Variants in FAM228B observed in about 807,000 individuals in gnomAD.
The protein encoded by FAM228B is family with sequence similarity 228 member B, also known as protein FAM228B.
Under a neutral mutation model 42.6 loss-of-function variants are expected in FAM228B, and 38 were observed. The observed-to-expected ratio is 0.89, with a 90% CI of 0.69 to 1.17. FAM228B has a LOEUF of 1.17. Ranked by LOEUF, FAM228B falls within the 50% of genes most tolerant of loss-of-function variation. The pLI, the probability that FAM228B is intolerant of heterozygous loss-of-function variation, is 0.00. For missense variants in FAM228B, 344 were observed against 367.3 expected, an observed-to-expected ratio of 0.94 and a Z score of 0.52; for synonymous variants, 109 against 122.3, an observed-to-expected ratio of 0.89 and a Z score of 0.72.
At chr2:24,162,007 G>T (rs755160219) in intron 8 of FAM228B, among the ~76,000 whole-genome samples, 2 of 152,226 alleles carry the variant, frequency 1.3e-5, no homozygotes, top group Admixed American at 1.3e-4. Context: ...GCTGAGGCAG[G>T]AGAATTGTTT....
chr2:24,162,396 T>A (rs1667306650), intron 8 of FAM228B, among the ~76,000 whole-genome samples: 1 of 152,188 alleles, frequency 6.6e-6, no homozygotes, highest in South Asian at 2.1e-4. Context: ...GTTTTAGAAT[T>A]AAGAGATTTC....
intron 3 of FAM228B, among the ~76,000 whole-genome samples, chr2:24,118,305 T>C (rs1026408259): frequency 6.6e-6 from 1 of 152,232 alleles, no homozygotes. Context: ...GGTCCAATAA[T>C]GCAAAATGCA....
intron 9 of FAM228B, chr2:24,166,616 A>C (rs893167907): frequency 2.0e-5 from 3 of 152,022 alleles, no homozygotes; most frequent in African/African-American, 7.3e-5. Context: ...CCTGGAGCTT[A>C]CATTTTGATG....
At position 24,124,418 on chromosome 2, in the gene FAM228B, C is replaced by T. The variant is rs1573757832; in HGVS notation, c.57C>T (p.Ser19=). The change falls in exon 2 of 11, where the codon AGC becomes AGT. Residue 19 remains serine (S), a synonymous_variant. Transcript: ENST00000615575. ...LVTGTLPKLK[S]SKEWLEPKPL... Reference sequence around the variant, plus strand: ...CTGGCACACTTCCCAAGCTCAAGAGCTCAAAAGAATGGTTGGAGCCCAAGC... The same window carrying T: ...CTGGCACACTTCCCAAGCTCAAGAGTTCAAAAGAATGGTTGGAGCCCAAGC... 1 of 1,551,912 alleles carries T rather than the reference C, an allele frequency of 6.4e-7. No homozygotes were observed. Among genetic ancestry groups the T allele is most frequent in the East Asian group, 2.4e-5 (1 of 40,916 alleles).
intron 7 of FAM228B, among the ~76,000 whole-genome samples, chr2:24,148,784 T>C (rs1313310648): frequency 5.9e-5 from 9 of 152,176 alleles, no homozygotes; most frequent in Admixed American, 4.6e-4. Flanking sequence ...TTGACTATAG[T>C]CCCCTTGTTG....
chr2:24,136,642 C>G (rs1310280597), intron 3 of FAM228B, among the ~76,000 whole-genome samples: 1 of 152,142 alleles, frequency 6.6e-6, no homozygotes. Context: ...GGATTACCGG[C>G]GTGAGCCACC....
intron 2 of FAM228B, among the ~76,000 whole-genome samples, chr2:24,094,066 G>T (rs1451200792): frequency 9.0e-6 from 1 of 111,100 alleles, no homozygotes; most frequent in Non-Finnish European, 1.8e-5. Flanking sequence ...TTAAGACAGG[G>T]TCTTGCTGTG....
At chr2:24,144,205 CTGAGGTGGGAGGA>C in intron 5 of FAM228B, among the ~76,000 whole-genome samples, 1 of 152,214 alleles carries the variant, frequency 6.6e-6, no homozygotes, top group South Asian at 2.1e-4. Flanking sequence ...ACTTTAGAGG[CTGAGGTGGGAGGA>C]TGACTTGAAC....
At chr2:24,156,342 G>T (rs1361527887) in intron 7 of FAM228B, among the ~76,000 whole-genome samples, 1 of 151,966 alleles carries the variant, frequency 6.6e-6, no homozygotes, top group African/African-American at 2.4e-5. Context: ...CTTCTAATTT[G>T]CCCCTTCTGG....
At chr2:24,146,498 T>C (rs1666897822) in intron 5 of FAM228B, among the ~76,000 whole-genome samples, 1 of 152,184 alleles carries the variant, frequency 6.6e-6, no homozygotes, top group Non-Finnish European at 1.5e-5. Context: ...TTTTTGAAGA[T>C]TGAACCCACA....
At position 24,124,390 on chromosome 2, in the gene FAM228B, T is replaced by G. The variant is rs773861532; in HGVS notation, c.29T>G (p.Val10Gly). The G allele has an allele frequency of 6.4e-7, 1 of 1,551,202 alleles. No individual in the cohort carries two copies. The highest frequency in any genetic ancestry group is 1.2e-5 in the South Asian group (1 of 83,802). ...AAAAATGTAGACAGTGATGATCTGG[T>G]AACTGGCACACTTCCCAAGCTCAAG... MKNVDSDDL[V>G]TGTLPKLKSS... The change falls in exon 2 of 11, where the codon GTA becomes GGA. Residue 10 changes from valine (V) to glycine (G), a missense_variant. Physicochemically the swap from Val to Gly is moderately radical, Grantham distance 109. Transcript: ENST00000615575.
At chr2:24,122,643 G>A (rs978249137), upstream of FAM228B, 29 of 752,884 alleles carry the variant, frequency 3.9e-5, no homozygotes, top group Admixed American at 6.4e-4. Flanking sequence ...ACAGTTCTAA[G>A]ATCAGCAAGT....
chr2:24,083,758 G>C (rs1030127634), intron 2 of FAM228B, among the ~76,000 whole-genome samples: 4 of 152,184 alleles, frequency 2.6e-5, no homozygotes, highest in African/African-American at 9.7e-5. Flanking sequence ...AGAGTGGAAA[G>C]AGTTAAGAGG....
intron 9 of FAM228B, among the ~76,000 whole-genome samples, chr2:24,167,022 G>A (rs1006458363): frequency 2.6e-5 from 4 of 152,322 alleles, no homozygotes; most frequent in African/African-American, 7.2e-5. Flanking sequence ...CCGGGAAAGG[G>A]AGTTAGAATA....
At chr2:24,159,815 A>G (rs1667246485) in intron 7 of FAM228B, among the ~76,000 whole-genome samples, 1 of 152,086 alleles carries the variant, frequency 6.6e-6, no homozygotes, top group African/African-American at 2.4e-5. Flanking sequence ...ATTTCTCTTA[A>G]TGTTTTAAAG....
chr2:24,077,524 A>T lies in FAM228B; in HGVS notation c.-290+555A>T. The T allele has an allele frequency of 1.9e-6, 3 of 1,541,440 alleles. No individual in the cohort carries two copies. Among genetic ancestry groups the T allele is most frequent in the Non-Finnish European group, 2.6e-6 (3 of 1,143,950 alleles). ...GGCCTGTCTATTGTGAATCTTCTCC[A>T]GGTTTGCTCTGGAAAGGCCTGGGGT... On this transcript the variant is annotated intron_variant, in intron 1 of 10. Transcript: ENST00000613899. The surrounding 1 kb of genome is among the most constrained non-coding windows in gnomAD (Gnocchi z 5.5).
chr2:24,138,770 T>TA (rs1666666960), intron 4 of FAM228B, among the ~76,000 whole-genome samples: 1 of 151,398 alleles, frequency 6.6e-6, no homozygotes, highest in South Asian at 2.1e-4. Context: ...AGCCTGGTGA[T>TA]ACCCCGTCTC....
At position 24,084,123 on chromosome 2, in the gene FAM228B, A is replaced by G; in HGVS notation, c.-210+3168A>G. On this transcript the variant is annotated intron_variant, in intron 2 of 10. Transcript: ENST00000613899. This position sits in a 1 kb window ranked among gnomAD's most constrained non-coding sequence, Gnocchi z 8.4. ...ACGCCTTCACGTCTGGTCAATGTCC[A>G]CTGAGTGCTGTTGAGAGGGAGGCTC... 17 of 1,546,244 alleles carry G rather than the reference A, an allele frequency of 1.1e-5. No homozygotes were observed. Among genetic ancestry groups the G allele is most frequent in the Non-Finnish European group, 1.5e-5 (17 of 1,150,968 alleles).
rs1210309615 is a variant in FAM228B, at chr2:24,083,391, T to C, written c.-210+2436T>C. On this transcript the variant is annotated intron_variant, in intron 2 of 10. Coordinates refer to the FAM228B transcript ENST00000613899. ...AGAGTCCTTAGCTATTTACCTCATC[T>C]GAACCCCTTGCTTTACAGATGGAGA... Among the ~76,000 whole-genome samples the C allele has an allele frequency of 2.0e-5, 3 of 152,240 alleles. No individual in the cohort carries two copies. The East Asian group carries it at 5.8e-4, about 29-fold the overall frequency.
Sources: allele counts gnomAD v4.1 joint callset (sites outside exome capture counted in the v4.1 genomes callset), GRCh38; gene constraint gnomAD v4.1.1; non-coding constraint Gnocchi (gnomAD v3.1); transcripts MANE v1.5; gene names NCBI Gene and HGNC (gene_info 2026-07-23, HGNC 2026-07-21).